ZFP90: variants seen among roughly 807,000 people sequenced by gnomAD.
ZFP90 encodes ZFP90 zinc finger protein.
In ZFP90, 38 loss-of-function variants were observed where a neutral mutation model predicts 60.8. That is an observed-to-expected ratio of 0.62 (90% confidence interval 0.48 to 0.82). ZFP90 has a LOEUF of 0.82. Among genes scored for constraint, ZFP90 ranks in the 40% least tolerant of loss-of-function variants. ZFP90 has a pLI of 0.00. For missense variants in ZFP90, 711 were observed against 759.1 expected (o/e 0.94, Z 0.74); for synonymous variants, 287 against 264.8 (o/e 1.08, Z -0.82).
At position 68,564,461 on chromosome 16, in the gene ZFP90, T is replaced by C; in HGVS notation, c.1674T>C (p.Cys558=). 2.5e-6 allele frequency: 4 copies of C among 1,614,062 alleles called. No homozygotes were observed. The highest frequency in any genetic ancestry group is 3.4e-6 in the Non-Finnish European group (4 of 1,179,964). ...AGAAACCCTATGAATGTATTGACTG[T>C]GGGAAAGCCTTTAGTCAAAGTTCAT... The part of the protein sequence containing the change: ...TGEKPYECID[C]GKAFSQSSSL... The change falls in exon 5 of 5, where the codon TGT becomes TGC. Residue 558 remains cysteine, a synonymous_variant. Coordinates refer to ENST00000563169, the MANE Select transcript of ZFP90 (RefSeq NM_001305203.2).
upstream of ZFP90, among the ~76,000 whole-genome samples, chr16:68,538,800 A>G (rs1420540057): frequency 2.0e-5 from 3 of 152,138 alleles, no homozygotes; most frequent in East Asian, 5.8e-4. Context: ...ACGGCAGTAG[A>G]TCTGCCTTTG....
At position 68,539,823 on chromosome 16, in the gene ZFP90, C is replaced by T; in HGVS notation, c.31C>T (p.Gln11Ter). Residue 11 changes from glutamine to a stop codon, truncating the protein, a stop_gained and splice_region_variant, in exon 2 of 5, where the codon CAG (glutamine) becomes TAG (stop). Coordinates refer to ENST00000563169, the MANE Select transcript of ZFP90 (RefSeq NM_001305203.2). LOFTEE classifies it high-confidence loss of function. The part of the protein sequence containing the change: MAPRPPTAAP[Q>*]ESVTFKDVSV... ...CCCGAGGCCTCCGACCGCCGCGCCC[C>T]AGGTGAGCAACGCGTTCCTAACCTC... 6.2e-7 allele frequency: 1 copy of T among 1,606,564 alleles called. No individual in the cohort carries two copies. Among genetic ancestry groups the T allele is most frequent in the Non-Finnish European group, 8.5e-7 (1 of 1,178,062 alleles).
chr16:68,562,875 T>C, intron 4 of ZFP90, 169 bp from the exon 5 acceptor site: 2 of 1,464,482 alleles, frequency 1.4e-6, no homozygotes, highest in Non-Finnish European at 1.8e-6. Context: ...CAGTCTTTGC[T>C]ATCATTTCTT....
Position 68,567,123 on chromosome 16 carries a change from T to G in ZFP90, c.*2425T>G, listed in dbSNP as rs2091541015. On this transcript the variant is annotated 3_prime_UTR_variant, in exon 5 of 5. Coordinates refer to ENST00000563169, the MANE Select transcript of ZFP90 (RefSeq NM_001305203.2). The stretch of plus-strand genomic sequence containing the variant: ...TGTATTCTTTCAATAAATAGCCTTC[T>G]GAGTTGAATGGGAGTCAGTTTGTCG... 2.0e-6 allele frequency: 2 copies of G among 985,492 alleles called. No individual in the cohort carries two copies. Among genetic ancestry groups the G allele is most frequent in the African/African-American group, 3.5e-5 (2 of 57,250 alleles). The allele number at this position is 985,492 out of a possible 1,614,324, so 61.0% of individuals were successfully genotyped here.
chr16:68,563,277 T>A lies in ZFP90; in HGVS notation c.490T>A (p.Ser164Thr). The change falls in exon 5 of 5, where the codon TCT (serine) becomes ACT (threonine). Residue 164 changes from serine (S) to threonine (T), a missense_variant. Coordinates refer to ENST00000563169, the MANE Select transcript of ZFP90 (RefSeq NM_001305203.2). Reference sequence around the variant, plus strand: ...TGAGCAAAATAAATTTGGTGAAAATTCTAGATTGAACACCAATTTGGTTAC... The same window carrying A: ...TGAGCAAAATAAATTTGGTGAAAATACTAGATTGAACACCAATTTGGTTAC... ...NFEQNKFGENSRLNTNLVTQL... is the reference protein window; with the variant it reads ...NFEQNKFGENTRLNTNLVTQL... 5 of 1,613,906 alleles carry A rather than the reference T, an allele frequency of 3.1e-6. No homozygotes were observed. The highest frequency in any genetic ancestry group is 4.2e-6 in the Non-Finnish European group (5 of 1,179,936).
exon 3 of ZFP90, chr16:68,575,955 G>A (rs2091592161): frequency 2.6e-6 from 1 of 383,764 alleles, no homozygotes; most frequent in South Asian, 1.4e-4. Context: ...ACAAAACTGT[G>A]AGAATCAGAT....
chr16:68,569,243 TCTC>T (rs1384966677), downstream of ZFP90, among the ~76,000 whole-genome samples: 4 of 148,946 alleles, frequency 2.7e-5, no homozygotes, highest in Middle Eastern at 3.5e-3. Flanking sequence ...TTGAAGCAAT[TCTC>T]CTGCCTCAGC....
In ZFP90 at chr16:68,564,704, G is replaced by C. The variant is rs377716008; in HGVS notation, c.*6G>C. 6.9e-6 allele frequency: 11 copies of C among 1,583,754 alleles called. No homozygotes were observed. The African/African-American group carries it at 1.5e-4, about 22-fold the overall frequency. On this transcript the variant is annotated 3_prime_UTR_variant, in exon 5 of 5. Coordinates refer to ENST00000563169, the MANE Select transcript of ZFP90 (RefSeq NM_001305203.2). ...ATACTCGAAATAAACTCTAGGAACC[G>C]TGAAATTAAGGAATTTGCAGAATGC... is the stretch of plus-strand genomic sequence containing the variant.
intron 2 of ZFP90, among the ~76,000 whole-genome samples, chr16:68,546,121 G>A (rs1391985944): frequency 6.6e-6 from 1 of 152,200 alleles, no homozygotes; most frequent in Non-Finnish European, 1.5e-5. Context: ...GTTGCAGTGA[G>A]CTGAGATTGC....
upstream of ZFP90, among the ~76,000 whole-genome samples, chr16:68,538,706 C>CAAAAA (rs34774456): frequency 1.4e-5 from 2 of 145,410 alleles, no homozygotes; most frequent in African/African-American, 5.1e-5. Context: ...AACTGTGTCT[C>CAAAAA]AAAAAAAAAA....
chr16:68,570,685 C>T (rs1020098560), downstream of ZFP90, among the ~76,000 whole-genome samples: 6 of 152,218 alleles, frequency 3.9e-5, no homozygotes, highest in Admixed American at 6.5e-5. Context: ...TTCTCTTTAT[C>T]CTGTTGGGAC....
chr16:68,545,994 G>A (rs1024511424), intron 2 of ZFP90, among the ~76,000 whole-genome samples: 1 of 152,044 alleles, frequency 6.6e-6, no homozygotes, highest in African/African-American at 2.4e-5. Context: ...GGGCCACATA[G>A]TGAAACCCCA....
chr16:68,546,859 T>A (rs2152060293), intron 2 of ZFP90, among the ~76,000 whole-genome samples: 1 of 152,364 alleles, frequency 6.6e-6, no homozygotes, highest in East Asian at 1.9e-4. Context: ...TCACTTATTA[T>A]AATGTCTTCA....
intron 2 of ZFP90, among the ~76,000 whole-genome samples, chr16:68,553,535 C>A (rs1459993595): frequency 1.3e-5 from 2 of 152,124 alleles, no homozygotes; most frequent in African/African-American, 4.8e-5. Context: ...TATAGGCGGC[C>A]ATAAAGACTT....
intron 1 of ZFP90, 61 bp downstream of exon 1, chr16:68,539,540 C>T: frequency 2.0e-6 from 1 of 487,880 alleles, no homozygotes; most frequent in Admixed American, 3.9e-5. Flanking sequence ...GCCTCGCCCA[C>T]CACCCTGCGA....
intron 2 of ZFP90, among the ~76,000 whole-genome samples, chr16:68,548,471 CTCCTTTTTTTTTT>C (rs2091193443): frequency 2.3e-5 from 2 of 88,458 alleles, no homozygotes; most frequent in African/African-American, 9.0e-5. Flanking sequence ...TCTGTTTATC[CTCCTTTTTTTTTT>C]TTTTTTTTTT....
In ZFP90 at chr16:68,566,018, C is replaced by G. The variant is rs755907325; in HGVS notation, c.*1320C>G. The G allele has an allele frequency of 4.0e-5, 32 of 805,146 alleles. No individual in the cohort carries two copies. The South Asian group carries it at 1.8e-3, about 44-fold the overall frequency. 49.9% of individuals were successfully genotyped at this position (805,146 alleles called of 1,614,324 possible). The stretch of plus-strand genomic sequence containing the variant: ...GCATGGTGGCATGCAGTGGTAGTCC[C>G]AGCTACTCAGGAGGCTGAGGTGGGA... On this transcript the variant is annotated 3_prime_UTR_variant, in exon 5 of 5. Transcript: ENST00000563169.
chr16:68,557,940 A>C (rs2091371770), intron 2 of ZFP90, 58 bp from the exon 3 acceptor site: 1 of 1,607,344 alleles, frequency 6.2e-7, no homozygotes, highest in Non-Finnish European at 8.5e-7. Context: ...TGTTCCCAGC[A>C]TTGCCTTAGA....
Position 68,565,901 on chromosome 16 carries a change from G to A in ZFP90, c.*1203G>A, listed in dbSNP as rs1398312912. 1 of 950,344 alleles carries A rather than the reference G, an allele frequency of 1.1e-6. No individual in the cohort carries two copies. Among genetic ancestry groups the A allele is most frequent in the African/African-American group, 1.8e-5 (1 of 56,200 alleles). The allele number at this position is 950,344 out of a possible 1,614,324, so 58.9% of individuals were successfully genotyped here. ...GCACTTTGGGTGGCTAAGGCAGATA[G>A]ACTGCTTGAACCCAGGAGTTCAAGA... On this transcript the variant is annotated 3_prime_UTR_variant, in exon 5 of 5. Transcript: ENST00000563169.
Sources: allele counts gnomAD v4.1 joint callset (sites outside exome capture counted in the v4.1 genomes callset), GRCh38; gene constraint gnomAD v4.1.1; transcripts MANE v1.5; gene names NCBI Gene and HGNC (gene_info 2026-07-23, HGNC 2026-07-21).